The following DNAH17 variants were observed in gnomAD, a reference collection of about 807,000 sequenced individuals.
DNAH17 encodes the protein dynein axonemal heavy chain 17.
In DNAH17, 376 loss-of-function variants were observed where a neutral mutation model predicts 485.6. The observed-to-expected ratio is 0.77, with a 90% CI of 0.71 to 0.84. The LOEUF (loss-of-function observed/expected upper bound fraction) is 0.84, where lower values mean the gene tolerates loss of function less well. DNAH17 is among the 40% of genes least tolerant of loss of function. DNAH17 has a pLI of 0.00. For synonymous variants in DNAH17, 3,031 were observed against 2,405.9 expected (o/e 1.26, Z -7.60); for missense variants, 6,370 against 5,839.3 (o/e 1.09, Z -2.96).
chr17:78,532,421 G>A, intron 20 of DNAH17, 61 bp downstream of exon 20: 2 of 1,530,632 alleles, frequency 1.3e-6, no homozygotes, highest in South Asian at 1.3e-5. Flanking sequence ...AAGCAAGCCT[G>A]GTGATCCTCT....
intron 37 of DNAH17, 84 bp from the exon 38 acceptor site, chr17:78,496,116 T>C: frequency 6.9e-7 from 1 of 1,458,518 alleles, no homozygotes; most frequent in Non-Finnish European, 9.2e-7. Flanking sequence ...TGTTAAAGCA[T>C]GAGGCTGCGA....
At chr17:78,569,047 T>TC (rs907992917) in intron 9 of DNAH17, 119 bp downstream of exon 9, 2 of 780,272 alleles carry the variant, frequency 2.6e-6, no homozygotes, top group African/African-American at 3.5e-5. Flanking sequence ...TATTTGGGCC[T>TC]CACTTATTTT....
In DNAH17 at chr17:78,556,255, C is replaced by T. The variant is rs2092021250; in HGVS notation, c.2178+1853G>A. The stretch of plus-strand genomic sequence containing the variant: ...TCCCTCCATCCTCCCATCTGTCTAT[C>T]CCATTGGTTCTGTTTCTCTGGAGAA... On this transcript the variant is annotated intron_variant, in intron 14 of 80. Transcript: ENST00000389840. Among the ~76,000 whole-genome samples, 3 of 152,148 alleles carry T rather than the reference C, an allele frequency of 2.0e-5. No homozygotes were observed. The South Asian group carries it at 6.2e-4, about 32-fold the overall frequency.
In DNAH17 at chr17:78,459,105, C is replaced by A; in HGVS notation, c.9757G>T (p.Glu3253Ter). 1 of 1,614,008 alleles carries A rather than the reference C, an allele frequency of 6.2e-7. No homozygotes were observed. Among genetic ancestry groups the A allele is most frequent in the Non-Finnish European group, 8.5e-7 (1 of 1,179,898 alleles). Residue 3253 changes from glutamate to a stop codon, truncating the protein, a stop_gained, in exon 61 of 81, where the codon GAG becomes TAG. Transcript: ENST00000389840. LOFTEE classifies it high-confidence loss of function. Reference sequence around the variant, plus strand: ...TTGGGCGCCACGTCGCAGTAGACCTCGTAGAAGCGGACGATGTTGATGCAC... The same window carrying A: ...TTGGGCGCCACGTCGCAGTAGACCTAGTAGAAGCGGACGATGTTGATGCAC... ...SWCINIVRFY[E>*]VYCDVAPKRQ...
At chr17:78,434,286 G>C in intron 74 of DNAH17, 66 bp from the exon 75 acceptor site, 15 of 1,494,120 alleles carry the variant, frequency 1.0e-5, no homozygotes, top group Non-Finnish European at 1.4e-5. Context: ...ATGCCCCTGA[G>C]GGTGACCAGC....
At chr17:78,539,470 C>A (rs2143407445) in intron 18 of DNAH17, among the ~76,000 whole-genome samples, 1 of 152,198 alleles carries the variant, frequency 6.6e-6, no homozygotes, top group Non-Finnish European at 1.5e-5. Flanking sequence ...GAGGCAGGAC[C>A]AGCCTCTTAG....
intron 54 of DNAH17, among the ~76,000 whole-genome samples, 172 bp from the exon 55 acceptor site, chr17:78,469,055 C>T (rs566868952): frequency 6.6e-6 from 1 of 152,380 alleles, no homozygotes; most frequent in African/African-American, 2.4e-5. Context: ...CCTCCGTCTC[C>T]TGGGTTCAAG....
chr17:78,542,123 C>A lies in DNAH17; in HGVS notation c.2532+1734G>T, dbSNP rs112244951. Among the ~76,000 whole-genome samples the A allele has an allele frequency of 1.8e-3, 265 of 150,348 alleles. 1 individual carries two copies. The highest frequency in any genetic ancestry group is 6.4e-3 in the African/African-American group (261 of 40,674). The stretch of plus-strand genomic sequence containing the variant: ...GCACCACCCACTGGAAACCGCCCCC[C>A]CCAAAAACTGCCCTAAAATACTTTT... On this transcript the variant is annotated intron_variant, in intron 17 of 80. Coordinates refer to ENST00000389840, the MANE Select transcript of DNAH17 (RefSeq NM_173628.4).
At chr17:78,460,566 G>A (rs1450478765) in intron 58 of DNAH17, among the ~76,000 whole-genome samples, 3 of 152,178 alleles carry the variant, frequency 2.0e-5, no homozygotes, top group Admixed American at 1.3e-4. Flanking sequence ...CTCCTTTGCC[G>A]ACATCCCTGT....
chr17:78,479,875 G>A (rs2089271898), intron 49 of DNAH17, among the ~76,000 whole-genome samples: 2 of 152,266 alleles, frequency 1.3e-5, no homozygotes, highest in Admixed American at 6.5e-5. Flanking sequence ...GCAAGAGATG[G>A]GCTCAGAGTA....
Position 78,499,125 on chromosome 17 carries a change from A to C in DNAH17, c.5641-13T>G, listed in dbSNP as rs747242957. On this transcript the variant is annotated splice_polypyrimidine_tract_variant and intron_variant, in intron 36 of 80. Coordinates refer to ENST00000389840, the MANE Select transcript of DNAH17 (RefSeq NM_173628.4). ...TATTTCCACAGGACTGGAAAGGGCG[A>C]GATGGAGAAAGGAAGAGCTGGGAGG... 3.9e-6 allele frequency: 6 copies of C among 1,546,854 alleles called. No homozygotes were observed. The highest frequency in any genetic ancestry group is 5.2e-6 in the Non-Finnish European group (6 of 1,144,062).
At chr17:78,424,937 G>A (rs56715630) in intron 80 of DNAH17, 2,984 of 162,618 alleles carry the variant, frequency 0.018, 85 homozygotes, top group African/African-American at 0.066. Context: ...CAGCTGGGGA[G>A]TGGGTGAGAC....
At chr17:78,459,626 G>C (rs925908805) in intron 60 of DNAH17, among the ~76,000 whole-genome samples, 158 bp downstream of exon 60, 1 of 152,336 alleles carries the variant, frequency 6.6e-6, no homozygotes, top group Middle Eastern at 3.4e-3. Flanking sequence ...TGCTGAGCTT[G>C]TCAGCTGTGT....
chr17:78,521,744 TG>T (rs2090939383), intron 25 of DNAH17, among the ~76,000 whole-genome samples: 1 of 152,172 alleles, frequency 6.6e-6, no homozygotes, highest in African/African-American at 2.4e-5. Context: ...CCTAGCACTT[TG>T]GGAGGCCAAG....
intron 9 of DNAH17, among the ~76,000 whole-genome samples, chr17:78,567,814 C>T (rs1221197130): frequency 6.6e-6 from 1 of 152,214 alleles, no homozygotes; most frequent in East Asian, 1.9e-4. Context: ...CGTTCAGGCC[C>T]ATCCCGTTAG....
chr17:78,432,375 T>TGC (rs2086705799), intron 75 of DNAH17, among the ~76,000 whole-genome samples: 1 of 79,366 alleles, frequency 1.3e-5, no homozygotes, highest in Non-Finnish European at 2.5e-5. Flanking sequence ...GCCGGCACCC[T>TGC]GCCCCATCGA....
intron 15 of DNAH17, 123 bp from the exon 16 acceptor site, chr17:78,551,761 A>G (rs1029901952): frequency 1.2e-6 from 1 of 846,392 alleles, no homozygotes; most frequent in Non-Finnish European, 1.9e-6. Context: ...CGGGAGTTCG[A>G]GACCAGCCTG....
chr17:78,553,467 A>T (rs2091955109), intron 14 of DNAH17, among the ~76,000 whole-genome samples: 2 of 151,804 alleles, frequency 1.3e-5, no homozygotes, highest in South Asian at 4.2e-4. Flanking sequence ...ATGCCCAGCT[A>T]ATTTTTGTAT....
intron 9 of DNAH17, 89 bp downstream of exon 9, chr17:78,569,077 C>CA (rs750738194): frequency 1.3e-5 from 13 of 1,030,436 alleles, no homozygotes; most frequent in Non-Finnish European, 1.7e-5. Context: ...GGATTATTGG[C>CA]AAGGGGGGTA....
Sources: gnomAD v4.1 joint callset for allele counts (sites outside exome capture counted in the v4.1 genomes callset) on GRCh38, gnomAD v4.1.1 for gene constraint, MANE v1.5 for transcripts, NCBI Gene and HGNC (gene_info 2026-07-23, HGNC 2026-07-21) for gene names.